The following PDE8B variants were observed in gnomAD, a reference collection of about 807,000 sequenced individuals.
PDE8B encodes phosphodiesterase 8B, also known as high affinity cAMP-specific and IBMX-insensitive 3',5'-cyclic phosphodiesterase 8B.
In PDE8B, 26 loss-of-function variants were observed where a neutral mutation model predicts 101.3. The ratio of observed to expected loss-of-function variants is 0.26; its 90% CI spans 0.19 to 0.36. PDE8B has a LOEUF of 0.36. Ranked by LOEUF, PDE8B falls within the 10% of genes least tolerant of loss-of-function variation. The pLI is 1.00. For missense variants in PDE8B, 810 were observed against 1,163.1 expected, an observed-to-expected ratio of 0.70 and a Z score of 4.42; for synonymous variants, 424 against 429.3, an observed-to-expected ratio of 0.99 and a Z score of 0.15.
intron 1 of PDE8B, chr5:77,214,032 A>G (rs1749102955): frequency 6.6e-6 from 1 of 152,272 alleles, no homozygotes; most frequent in South Asian, 2.1e-4. Context: ...TGAAAATGCA[A>G]CTTCCTAGCA....
chr5:77,244,083 G>A (rs1212950729), intron 1 of PDE8B, among the ~76,000 whole-genome samples: 1 of 152,016 alleles, frequency 6.6e-6, no homozygotes, highest in African/African-American at 2.4e-5. Flanking sequence ...AACAAGAAGG[G>A]CACTGGGGAG....
chr5:77,351,306 G>A (rs180761953), intron 9 of PDE8B, among the ~76,000 whole-genome samples, 153 bp downstream of exon 9: 183 of 151,684 alleles, frequency 1.2e-3, no homozygotes, highest in Non-Finnish European at 2.0e-3. Context: ...CCACTCAGCC[G>A]GCAGCAACCC....
chr5:77,362,664 T>C (rs1440482772), intron 10 of PDE8B, among the ~76,000 whole-genome samples: 1 of 152,204 alleles, frequency 6.6e-6, no homozygotes, highest in Non-Finnish European at 1.5e-5. Flanking sequence ...ATCAGGCATC[T>C]TTGAGGAGCA....
intron 6 of PDE8B, among the ~76,000 whole-genome samples, chr5:77,343,815 G>A (rs1348577090): frequency 6.8e-6 from 1 of 146,962 alleles, no homozygotes; most frequent in Non-Finnish European, 1.5e-5. Flanking sequence ...TTTCACAGCT[G>A]TACAAAAAAA....
At position 77,325,521 on chromosome 5, in the gene PDE8B, C is replaced by G. The variant is rs1775889081; in HGVS notation, c.400-18C>G. 2 of 1,611,828 alleles carry G rather than the reference C, an allele frequency of 1.2e-6. No homozygotes were observed. The highest frequency in any genetic ancestry group is 1.7e-6 in the Non-Finnish European group (2 of 1,178,038). ...GGATGATGATTTATTTCAAGATGCCCTTTTTGTTGTGTTTCAGGTTTTGCT... is the reference window on the plus strand; with the variant it reads ...GGATGATGATTTATTTCAAGATGCCGTTTTTGTTGTGTTTCAGGTTTTGCT... On this transcript the variant is annotated intron_variant, in intron 2 of 21. Transcript: ENST00000264917.
At chr5:77,227,726 G>A (rs1160455974) in intron 1 of PDE8B, among the ~76,000 whole-genome samples, 1 of 152,130 alleles carries the variant, frequency 6.6e-6, no homozygotes, top group Non-Finnish European at 1.5e-5. Context: ...AAGCAAGGTT[G>A]GGGTCAAATA....
the PDE8B span, chr5:77,112,362 C>G: frequency 6.6e-6 from 1 of 152,178 alleles, no homozygotes; most frequent in South Asian, 2.1e-4. Flanking sequence ...AGACATTTTA[C>G]TGTGATTGAA....
At chr5:77,358,388 CAA>C (rs1354250982) in intron 10 of PDE8B, 1 of 969,672 alleles carries the variant, frequency 1.0e-6, no homozygotes, top group Non-Finnish European at 1.2e-6. Flanking sequence ...CTCTACCCTG[CAA>C]AGAGGGAGCA....
At chr5:77,217,569 C>T (rs1330134306) in intron 1 of PDE8B, among the ~76,000 whole-genome samples, 3 of 150,910 alleles carry the variant, frequency 2.0e-5, no homozygotes, top group African/African-American at 7.3e-5. Context: ...TGAGGTCTCA[C>T]TCTGTCACCA....
chr5:77,218,673 A>G (rs572338686), intron 1 of PDE8B, among the ~76,000 whole-genome samples: 1 of 152,340 alleles, frequency 6.6e-6, no homozygotes, highest in Non-Finnish European at 1.5e-5. Flanking sequence ...TTGAAGTTGG[A>G]GAAGAATTAA....
intron 1 of PDE8B, among the ~76,000 whole-genome samples, chr5:77,245,279 A>C (rs905849305): frequency 3.3e-5 from 5 of 152,256 alleles, no homozygotes; most frequent in African/African-American, 1.2e-4. Context: ...ATGGTTTAAA[A>C]AATGAAGAGT....
chr5:77,298,006 G>A (rs925634192), intron 1 of PDE8B, among the ~76,000 whole-genome samples: 3 of 152,146 alleles, frequency 2.0e-5, no homozygotes, highest in Non-Finnish European at 2.9e-5. Flanking sequence ...TTTTGAAGGC[G>A]TGAACACTCA....
the PDE8B span, among the ~76,000 whole-genome samples, chr5:77,129,364 G>A: frequency 6.6e-6 from 1 of 152,182 alleles, no homozygotes; most frequent in Non-Finnish European, 1.5e-5. Context: ...GCCCTTGGGA[G>A]ATCTTTACCG....
chr5:77,378,962 G>A (rs1235835511), intron 10 of PDE8B, among the ~76,000 whole-genome samples: 2 of 152,096 alleles, frequency 1.3e-5, no homozygotes, highest in Non-Finnish European at 2.9e-5. Flanking sequence ...ATATTTGAAA[G>A]ACATTAGAGA....
the PDE8B span, among the ~76,000 whole-genome samples, chr5:77,182,147 G>C: frequency 1.3e-5 from 2 of 151,996 alleles, no homozygotes; most frequent in Admixed American, 6.6e-5. Flanking sequence ...CTGCCAGGAA[G>C]GCTCAGAGCC....
the PDE8B span, among the ~76,000 whole-genome samples, chr5:77,182,756 CT>C: frequency 0.2 from 27,575 of 141,006 alleles, 3,580 homozygotes; most frequent in East Asian, 0.82. Flanking sequence ...ATAAGCACTG[CT>C]TTTTTTTTTT....
chr5:77,230,202 G>A (rs549191143), intron 1 of PDE8B, among the ~76,000 whole-genome samples: 25 of 152,284 alleles, frequency 1.6e-4, no homozygotes, highest in African/African-American at 5.8e-4. Context: ...TTGTTTTTAA[G>A]AATTAAATAA....
At chr5:77,136,830 A>C in the PDE8B span, among the ~76,000 whole-genome samples, 3 of 152,164 alleles carry the variant, frequency 2.0e-5, no homozygotes, top group Non-Finnish European at 4.4e-5. Context: ...ATATACTAGA[A>C]ACTTCTGGTT....
chr5:77,258,791 A>T (rs1759748551), intron 1 of PDE8B, among the ~76,000 whole-genome samples: 1 of 152,156 alleles, frequency 6.6e-6, no homozygotes, highest in Non-Finnish European at 1.5e-5. Flanking sequence ...CCTTCAGCTC[A>T]GCACTGCCCT....
Sources: allele counts gnomAD v4.1 joint callset (sites outside exome capture counted in the v4.1 genomes callset), GRCh38; gene constraint gnomAD v4.1.1; transcripts MANE v1.5; gene names NCBI Gene and HGNC (gene_info 2026-07-23, HGNC 2026-07-21).